The following CENPP variants were observed in gnomAD, a reference collection of about 807,000 sequenced individuals.
CENPP encodes centromere protein P.
CENPP carries 24 observed loss-of-function variants against 35.6 expected under a neutral mutation model. That is an observed-to-expected ratio of 0.67 (90% CI 0.49 to 0.95). The LOEUF (loss-of-function observed/expected upper bound fraction) is 0.95. Among genes scored for constraint, CENPP ranks in the 40% least tolerant of loss-of-function variants. CENPP has a pLI of 0.00. For missense variants in CENPP, 332 were observed against 345.3 expected (o/e 0.96, Z 0.31); for synonymous variants, 120 against 125.5 (o/e 0.96, Z 0.29).
intron 3 of CENPP, among the ~76,000 whole-genome samples, chr9:92,344,413 C>CA (rs1202263733): frequency 6.6e-6 from 1 of 151,974 alleles, no homozygotes; most frequent in Admixed American, 6.6e-5. Flanking sequence ...TTTCTGGTAA[C>CA]AGTTCTATTG....
chr9:92,443,260 T>C (rs1234686539), intron 5 of CENPP, among the ~76,000 whole-genome samples: 3 of 152,174 alleles, frequency 2.0e-5, no homozygotes, highest in Non-Finnish European at 4.4e-5. Context: ...AGACTGCTGA[T>C]TATAATTTCA....
intron 5 of CENPP, among the ~76,000 whole-genome samples, chr9:92,538,080 C>T (rs561662274): frequency 6.6e-6 from 1 of 152,254 alleles, no homozygotes; most frequent in African/African-American, 2.4e-5. Flanking sequence ...TACCATTTCA[C>T]CTCTAGGAAC....
intron 5 of CENPP, among the ~76,000 whole-genome samples, chr9:92,599,681 T>G (rs1367269190): frequency 6.6e-6 from 1 of 152,030 alleles, no homozygotes; most frequent in Non-Finnish European, 1.5e-5. Flanking sequence ...CCTCCCAGAG[T>G]GCTGGGATTA....
intron 5 of CENPP, among the ~76,000 whole-genome samples, chr9:92,413,215 G>A (rs974840947): frequency 1.3e-5 from 2 of 151,930 alleles, no homozygotes; most frequent in Admixed American, 6.6e-5. Context: ...TCAAACTCCC[G>A]ACCCCAGGTG....
intron 5 of CENPP, among the ~76,000 whole-genome samples, chr9:92,399,996 A>G (rs932867214): frequency 7.2e-5 from 11 of 152,146 alleles, no homozygotes; most frequent in Non-Finnish European, 1.0e-4. Context: ...ATGTTGTTCC[A>G]TATGAATTCT....
At chr9:92,430,296 G>GT (rs1427259491) in intron 5 of CENPP, among the ~76,000 whole-genome samples, 5 of 151,750 alleles carry the variant, frequency 3.3e-5, no homozygotes, top group South Asian at 2.1e-4. Context: ...ACTTCTAGGA[G>GT]TTTTTTTATG....
intron 5 of CENPP, chr9:92,401,258 G>A: frequency 1.4e-6 from 1 of 717,082 alleles, no homozygotes; most frequent in South Asian, 1.7e-5. Context: ...AGGGATCACA[G>A]ACACCTTCTC....
intron 5 of CENPP, among the ~76,000 whole-genome samples, chr9:92,382,892 C>CTTTTTTTT (rs1213731251): frequency 1.3e-4 from 9 of 69,810 alleles, no homozygotes; most frequent in Admixed American, 2.1e-4. Flanking sequence ...CACTGTTTTC[C>CTTTTTTTT]TTTTTTTTTT....
intron 5 of CENPP, among the ~76,000 whole-genome samples, chr9:92,474,192 T>G (rs1233135898): frequency 6.6e-6 from 1 of 152,246 alleles, no homozygotes; most frequent in Non-Finnish European, 1.5e-5. Context: ...TAAAGCATTA[T>G]CTTTAAAAGG....
chr9:92,483,330 G>A (rs1845971997), intron 5 of CENPP, among the ~76,000 whole-genome samples: 1 of 151,774 alleles, frequency 6.6e-6, no homozygotes, highest in South Asian at 2.1e-4. Context: ...CCAGGTTCAC[G>A]CCATTCTCCT....
intron 5 of CENPP, among the ~76,000 whole-genome samples, chr9:92,439,063 G>A (rs1011959133): frequency 2.6e-5 from 4 of 152,116 alleles, no homozygotes; most frequent in African/African-American, 9.7e-5. Flanking sequence ...TCCAGTATGG[G>A]GAAGTGACTT....
intron 5 of CENPP, among the ~76,000 whole-genome samples, chr9:92,401,826 A>C (rs1316441964): frequency 6.6e-6 from 1 of 152,062 alleles, no homozygotes; most frequent in African/African-American, 2.4e-5. Flanking sequence ...CTTGGAGAGT[A>C]CGTTTTCTGC....
chr9:92,363,810 G>A (rs1055425599), intron 4 of CENPP, among the ~76,000 whole-genome samples: 1 of 151,550 alleles, frequency 6.6e-6, no homozygotes, highest in African/African-American at 2.4e-5. Context: ...TATCAACAAA[G>A]TTATTCATTT....
In CENPP at chr9:92,614,090, G is replaced by GT. The variant is rs1285410920; in HGVS notation, c.*945dup. On this transcript the variant is annotated 3_prime_UTR_variant, in exon 8 of 8. Transcript: ENST00000375587. ...TTCTCTTCTCCCTCAAATACAGGCTGTTTTCATCGTGTCTAGTCCAGCCCT... is the reference window on the plus strand; with the variant it reads ...TTCTCTTCTCCCTCAAATACAGGCTGTTTTTCATCGTGTCTAGTCCAGCCCT... 1.3e-5 allele frequency: 2 copies of GT among 152,406 alleles called. No homozygotes were observed. The highest frequency in any genetic ancestry group is 1.9e-4 in the East Asian group (1 of 5,186). 9.4% of individuals were successfully genotyped at this position (152,406 alleles called of 1,614,324 possible).
chr9:92,340,485 C>T (rs1841078552), intron 3 of CENPP: 2 of 152,328 alleles, frequency 1.3e-5, no homozygotes, highest in Non-Finnish European at 2.9e-5. Context: ...CTTCCTGAGT[C>T]AGATAAGGAT....
intron 5 of CENPP, among the ~76,000 whole-genome samples, chr9:92,552,023 GATCTATCATATAT>G (rs1849614763): frequency 7.5e-6 from 1 of 133,124 alleles, no homozygotes; most frequent in Non-Finnish European, 1.5e-5. Flanking sequence ...TGATATGATA[GATCTATCATATAT>G]GTGATATTAT....
intron 5 of CENPP, among the ~76,000 whole-genome samples, chr9:92,402,933 G>T (rs1201056055): frequency 6.6e-6 from 1 of 152,146 alleles, no homozygotes; most frequent in Non-Finnish European, 1.5e-5. Context: ...AGGGCATTGT[G>T]TAACATTACT....
At chr9:92,480,748 C>T (rs902211191) in intron 5 of CENPP, among the ~76,000 whole-genome samples, 2 of 152,076 alleles carry the variant, frequency 1.3e-5, no homozygotes, top group Non-Finnish European at 2.9e-5. Context: ...TTAAACATGC[C>T]TATCAGTTCA....
rs1347920022 is a variant in CENPP, at chr9:92,476,115, CT to C, written c.564+96257del. Among the ~76,000 whole-genome samples the C allele has an allele frequency of 2.6e-5, 4 of 152,152 alleles. No homozygotes were observed. Among genetic ancestry groups the C allele is most frequent in the African/African-American group, 9.7e-5 (4 of 41,426 alleles). On this transcript the variant is annotated intron_variant, in intron 5 of 7. Transcript: ENST00000375587. The surrounding 1 kb of genome is among the most constrained non-coding windows in gnomAD (Gnocchi z 4.1). ...ATCCACTCACCACCACAGCAGAGGG[CT>C]CCGCAGACCCTAATAGTCCACCAGG...
Sources: allele counts gnomAD v4.1 joint callset (sites outside exome capture counted in the v4.1 genomes callset), GRCh38; gene constraint gnomAD v4.1.1; non-coding constraint Gnocchi (gnomAD v3.1); transcripts MANE v1.5; gene names NCBI Gene and HGNC (gene_info 2026-07-23, HGNC 2026-07-21).